The following SUGCT variants were observed in gnomAD, a reference collection of about 807,000 sequenced individuals.
The protein encoded by SUGCT is succinyl-CoA:glutarate-CoA transferase.
A neutral mutation model predicts 55.0 loss-of-function variants in SUGCT; 41 were observed. The observed-to-expected ratio is 0.74, with a 90% CI of 0.58 to 0.97. SUGCT has a LOEUF of 0.97. Ranked by LOEUF, SUGCT falls within the 50% of genes least tolerant of loss-of-function variation. SUGCT has a pLI of 0.00. For missense variants in SUGCT, 568 were observed against 547.8 expected, an observed-to-expected ratio of 1.04 and a Z score of -0.37; for synonymous variants, 187 against 200.4, an observed-to-expected ratio of 0.93 and a Z score of 0.56.
intron 12 of SUGCT, among the ~76,000 whole-genome samples, chr7:40,707,677 C>G (rs1205653264): frequency 2.0e-5 from 3 of 152,182 alleles, no homozygotes; most frequent in Non-Finnish European, 4.4e-5. Context: ...CCCACTTTCC[C>G]TAAACCACTT....
At chr7:40,496,124 G>T (rs1691231900) in intron 11 of SUGCT, among the ~76,000 whole-genome samples, 160 bp from the exon 12 acceptor site, 1 of 152,172 alleles carries the variant, frequency 6.6e-6, no homozygotes, top group Admixed American at 6.5e-5. Flanking sequence ...GGCCACTCAA[G>T]TCATTTCATA....
At chr7:40,895,959 C>T in the SUGCT span, among the ~76,000 whole-genome samples, 2 of 152,162 alleles carry the variant, frequency 1.3e-5, no homozygotes, top group African/African-American at 2.4e-5. Context: ...GCTGTCTACT[C>T]TTGTCTCTTG....
intron 12 of SUGCT, among the ~76,000 whole-genome samples, chr7:40,708,670 C>T (rs1785547760): frequency 6.6e-6 from 1 of 152,126 alleles, no homozygotes; most frequent in South Asian, 2.1e-4. Context: ...CAAACCCCTG[C>T]CTCAGGTCTT....
chr7:40,769,091 G>C (rs927780226), intron 13 of SUGCT, among the ~76,000 whole-genome samples: 9 of 147,686 alleles, frequency 6.1e-5, no homozygotes, highest in African/African-American at 1.8e-4. Context: ...TCTTACATGG[G>C]GAGCAGTAAA....
intron 9 of SUGCT, among the ~76,000 whole-genome samples, chr7:40,405,797 A>T (rs1786330489): frequency 1.5e-5 from 2 of 136,588 alleles, no homozygotes; most frequent in Non-Finnish European, 1.6e-5. Context: ...GTGACAGAGC[A>T]AGACTCTGTC....
chr7:40,575,015 T>C (rs1326955014), intron 12 of SUGCT, among the ~76,000 whole-genome samples: 1 of 151,390 alleles, frequency 6.6e-6, no homozygotes, highest in East Asian at 1.9e-4. Context: ...TCTCCACCCC[T>C]CCATCGCACT....
chr7:40,956,515 G>A, the SUGCT span, among the ~76,000 whole-genome samples: 1 of 151,308 alleles, frequency 6.6e-6, no homozygotes, highest in Non-Finnish European at 1.5e-5. Flanking sequence ...ATTCTTTCTT[G>A]TCTTCTTTAT....
intron 12 of SUGCT, among the ~76,000 whole-genome samples, chr7:40,500,767 C>T (rs1792237135): frequency 6.6e-6 from 1 of 152,018 alleles, no homozygotes; most frequent in Non-Finnish European, 1.5e-5. Context: ...AATATCTGAG[C>T]ATCTTATTTT....
chr7:40,963,732 C>T, the SUGCT span, among the ~76,000 whole-genome samples: 1 of 92,270 alleles, frequency 1.1e-5, no homozygotes, highest in Admixed American at 1.3e-4. Flanking sequence ...AATGTGTATT[C>T]ATTCTCTTCG....
At chr7:41,024,230 A>G in the SUGCT span, among the ~76,000 whole-genome samples, 1 of 152,252 alleles carries the variant, frequency 6.6e-6, no homozygotes, top group Non-Finnish European at 1.5e-5. Flanking sequence ...GTGGAAGGCA[A>G]AACCTAAAAA....
chr7:40,684,270 T>C, intron 12 of SUGCT: 1 of 1,277,904 alleles, frequency 7.8e-7, no homozygotes, highest in Non-Finnish European at 1.0e-6. Flanking sequence ...TTTCAGGGAT[T>C]AGGACATAGC....
At chr7:40,889,630 C>T in the SUGCT span, among the ~76,000 whole-genome samples, 2 of 152,164 alleles carry the variant, frequency 1.3e-5, no homozygotes, top group African/African-American at 4.8e-5. Flanking sequence ...CTGTGGAATC[C>T]CATGTGGACA....
chr7:40,375,667 T>C (rs1241321498), intron 9 of SUGCT, among the ~76,000 whole-genome samples: 4 of 152,202 alleles, frequency 2.6e-5, no homozygotes, highest in Non-Finnish European at 5.9e-5. Flanking sequence ...CTACCTTTAT[T>C]CTGTTCTTTA....
At chr7:40,385,586 C>T (rs1253217844) in intron 9 of SUGCT, among the ~76,000 whole-genome samples, 1 of 152,166 alleles carries the variant, frequency 6.6e-6, no homozygotes, top group South Asian at 2.1e-4. Context: ...AATCTGAATT[C>T]CTTGTGCTGC....
rs377123067 is a variant in SUGCT, at chr7:40,593,796, G to A, written c.1089+97410G>A. ...GGAGGTTGCAGTGAGCTGAGATTGC[G>A]TCACTGCACTCCAGCCTGGGTGACA... On this transcript the variant is annotated intron_variant, in intron 12 of 13. Coordinates refer to ENST00000335693, the MANE Select transcript of SUGCT (RefSeq NM_001193313.2). Among the ~76,000 whole-genome samples the A allele has an allele frequency of 3.5e-3, 529 of 152,146 alleles. 1 individual carries two copies. The highest frequency in any genetic ancestry group is 0.011 in the African/African-American group (464 of 41,498).
chr7:40,338,020 G>C (rs970585165), intron 9 of SUGCT, among the ~76,000 whole-genome samples: 17 of 151,694 alleles, frequency 1.1e-4, no homozygotes, highest in Non-Finnish European at 1.9e-4. Flanking sequence ...CTTAGTTTGG[G>C]TGGATATGAA....
intron 11 of SUGCT, among the ~76,000 whole-genome samples, chr7:40,474,309 G>C (rs1350330832): frequency 6.6e-6 from 1 of 152,078 alleles, no homozygotes; most frequent in African/African-American, 2.4e-5. Context: ...TATTGAGTGT[G>C]GGGGGCAGAG....
At chr7:40,870,540 A>G in the SUGCT span, among the ~76,000 whole-genome samples, 1 of 152,198 alleles carries the variant, frequency 6.6e-6, no homozygotes, top group Non-Finnish European at 1.5e-5. Flanking sequence ...TTTCCCATGT[A>G]AGATAACATT....
chr7:40,186,090 T>TCTTCCTTCCTTC (rs199961855), intron 3 of SUGCT, among the ~76,000 whole-genome samples: 2,501 of 146,950 alleles, frequency 0.017, 77 homozygotes, highest in African/African-American at 0.061. Context: ...TCTCTCTTTT[T>TCTTCCTTCCTTC]CTTCCTTCCT....
Sources: allele counts gnomAD v4.1 joint callset (sites outside exome capture counted in the v4.1 genomes callset), GRCh38; gene constraint gnomAD v4.1.1; transcripts MANE v1.5; gene names NCBI Gene and HGNC (gene_info 2026-07-23, HGNC 2026-07-21).